The following CTNNA1 variants were observed in gnomAD, a reference collection of about 807,000 sequenced individuals.
The protein encoded by CTNNA1 is catenin alpha 1.
A neutral mutation model predicts 98.4 loss-of-function variants in CTNNA1; 37 were observed. The ratio of observed to expected loss-of-function variants is 0.38; its 90% confidence interval spans 0.29 to 0.49. CTNNA1 has a LOEUF of 0.49. Ranked by LOEUF, CTNNA1 falls within the 20% of genes least tolerant of loss-of-function variation. The pLI, the probability that CTNNA1 is intolerant of heterozygous loss-of-function variation, is 0.95. For synonymous variants in CTNNA1, 404 were observed against 413.2 expected (o/e 0.98, Z 0.27); for missense variants, 761 against 1,147.2 (o/e 0.66, Z 4.86).
intron 5 of CTNNA1, among the ~76,000 whole-genome samples, chr5:138,820,010 A>G (rs1485444545): frequency 2.6e-5 from 4 of 151,694 alleles, no homozygotes; most frequent in Non-Finnish European, 5.9e-5. Flanking sequence ...CATGATTGTA[A>G]GATTCCTGAA....
chr5:138,764,866 CTCTT>C (rs1157690377), intron 1 of CTNNA1, among the ~76,000 whole-genome samples: 165 of 99,822 alleles, frequency 1.7e-3, no homozygotes, highest in Non-Finnish European at 2.4e-3. Flanking sequence ...CTGTATCTCT[CTCTT>C]TTTTTTTTTT....
intron 7 of CTNNA1, among the ~76,000 whole-genome samples, chr5:138,846,087 C>T (rs556727758): frequency 4.6e-5 from 7 of 152,156 alleles, no homozygotes; most frequent in East Asian, 3.9e-4. Flanking sequence ...CCACCACGCC[C>T]GGCTAATTTT....
chr5:138,821,954 G>A (rs941108230), intron 5 of CTNNA1, among the ~76,000 whole-genome samples: 7 of 152,184 alleles, frequency 4.6e-5, no homozygotes, highest in South Asian at 2.1e-4. Flanking sequence ...GATAGTGTCC[G>A]TTTTCTTTAT....
chr5:138,905,089 GT>G (rs1758913874), intron 10 of CTNNA1, among the ~76,000 whole-genome samples: 1 of 115,640 alleles, frequency 8.6e-6, no homozygotes, highest in Non-Finnish European at 1.7e-5. Context: ...GCAAGACTCC[GT>G]CTCAAAAAAA....
At chr5:138,824,409 A>G in intron 5 of CTNNA1, 121 bp from the exon 6 acceptor site, 1 of 1,076,126 alleles carries the variant, frequency 9.3e-7, no homozygotes, top group South Asian at 1.7e-5. Flanking sequence ...CTAGATTGTT[A>G]ATGAAAATAA....
chr5:138,765,382 A>G (rs894318512), intron 1 of CTNNA1, among the ~76,000 whole-genome samples: 48 of 151,970 alleles, frequency 3.2e-4, no homozygotes, highest in Non-Finnish European at 5.4e-4. Flanking sequence ...AGGTTTCACC[A>G]TGTTGGCCAG....
At chr5:138,777,351 A>G (rs1307226324) in intron 1 of CTNNA1, among the ~76,000 whole-genome samples, 1 of 150,426 alleles carries the variant, frequency 6.6e-6, no homozygotes, top group African/African-American at 2.5e-5. Context: ...GCGGCCGGGC[A>G]GAGACGCTCC....
chr5:138,931,641 C>T (rs1186865988), intron 16 of CTNNA1: 27 of 985,332 alleles, frequency 2.7e-5, no homozygotes, highest in Non-Finnish European at 3.1e-5. Context: ...GTCCTTTCTG[C>T]AGATCTCCAT....
At chr5:138,861,903 C>T (rs1368154012) in intron 7 of CTNNA1, among the ~76,000 whole-genome samples, 8 of 152,004 alleles carry the variant, frequency 5.3e-5, no homozygotes, top group African/African-American at 1.7e-4. Flanking sequence ...TTGGGAGAAG[C>T]AGGTAGTAAG....
chr5:138,878,609 A>ATGGCTGTAGTTGTC (rs1752181135), intron 7 of CTNNA1, among the ~76,000 whole-genome samples: 2 of 152,284 alleles, frequency 1.3e-5, no homozygotes, highest in South Asian at 4.1e-4. Context: ...CAGGGCTTAG[A>ATGGCTGTAGTTGTC]TGGCTGTAGT....
chr5:138,886,284 C>CGT lies in CTNNA1; in HGVS notation c.1136_1137dup (p.Arg380ValfsTer26). ...AATGACCAAGAAGACCAGGGACTTG[C>CGT]GTAGACAGGTAATCTGGATGAAAGT... is the stretch of plus-strand genomic sequence containing the variant. On this transcript the variant is annotated frameshift_variant, in exon 8 of 18. Transcript: ENST00000302763. LOFTEE classifies it high-confidence loss of function. 1 of 1,602,688 alleles carries CGT rather than the reference C, an allele frequency of 6.2e-7. No homozygotes were observed. The highest frequency in any genetic ancestry group is 8.5e-7 in the Non-Finnish European group (1 of 1,176,250).
intron 7 of CTNNA1, among the ~76,000 whole-genome samples, chr5:138,851,795 C>T (rs1763208014): frequency 6.6e-6 from 1 of 151,246 alleles, no homozygotes; most frequent in Non-Finnish European, 1.5e-5. Context: ...GTGGCTCATG[C>T]CTGTAATCCC....
chr5:138,753,838 GT>G (rs1751288426), intron 1 of CTNNA1: 1 of 191,454 alleles, frequency 5.2e-6, no homozygotes, highest in African/African-American at 2.3e-5. Flanking sequence ...TCTTGGAAAA[GT>G]TTTCTCGCGG....
intron 7 of CTNNA1, among the ~76,000 whole-genome samples, chr5:138,866,313 T>TATTTA (rs1581344366): frequency 6.6e-6 from 1 of 150,804 alleles, no homozygotes; most frequent in East Asian, 1.9e-4. Context: ...TTTATTTATT[T>TATTTA]ATTTATTTAT....
chr5:138,894,316 T>C (rs960428402), intron 9 of CTNNA1, among the ~76,000 whole-genome samples: 3 of 147,800 alleles, frequency 2.0e-5, no homozygotes, highest in Non-Finnish European at 4.5e-5. Context: ...AGGACTCACT[T>C]TGTCACCTAG....
intron 7 of CTNNA1, among the ~76,000 whole-genome samples, chr5:138,884,155 C>T (rs1380199141): frequency 6.6e-6 from 1 of 152,130 alleles, no homozygotes; most frequent in East Asian, 1.9e-4. Context: ...TGGTTTGGTC[C>T]TGAAAGCCTG....
At chr5:138,875,747 G>A (rs564685562) in intron 7 of CTNNA1, 11 of 983,162 alleles carry the variant, frequency 1.1e-5, no homozygotes, top group African/African-American at 1.0e-4. Context: ...AGGTAGTGTC[G>A]CTGCACTGGT....
At chr5:138,807,998 A>G (rs368292207) in intron 3 of CTNNA1, among the ~76,000 whole-genome samples, 313 of 152,006 alleles carry the variant, frequency 2.1e-3, no homozygotes, top group African/African-American at 7.1e-3. Context: ...TGATCCACCC[A>G]CCTCAGCCTC....
intron 3 of CTNNA1, among the ~76,000 whole-genome samples, chr5:138,809,502 G>C (rs1758451492): frequency 6.6e-6 from 1 of 152,124 alleles, no homozygotes; most frequent in Non-Finnish European, 1.5e-5. Context: ...GTGAGCTTTT[G>C]GTAGTGTTCT....
Sources: allele counts gnomAD v4.1 joint callset (sites outside exome capture counted in the v4.1 genomes callset), GRCh38; gene constraint gnomAD v4.1.1; transcripts MANE v1.5; gene names NCBI Gene and HGNC (gene_info 2026-07-23, HGNC 2026-07-21).